Variants in TSHR observed in about 807,000 individuals in gnomAD.
TSHR encodes thyrotropin receptor.
Under a neutral mutation model 64.1 loss-of-function variants are expected in TSHR, and 51 were observed. The observed-to-expected ratio is 0.80, with a 90% CI of 0.64 to 1.01. The LOEUF (loss-of-function observed/expected upper bound fraction) is 1.01, where lower values mean the gene tolerates loss of function less well. Ranked by LOEUF, TSHR falls within the 50% of genes least tolerant of loss-of-function variation. TSHR has a pLI of 0.00. For missense variants in TSHR, 877 were observed against 942.8 expected (o/e 0.93, Z 0.91); for synonymous variants, 361 against 361.9 (o/e 1.00, Z 0.03).
intron 1 of TSHR, among the ~76,000 whole-genome samples, chr14:80,956,153 T>C (rs1487587114): frequency 6.6e-6 from 1 of 152,246 alleles, no homozygotes; most frequent in Non-Finnish European, 1.5e-5. Flanking sequence ...TGCCTAACCC[T>C]GGTTGAATCT....
intron 1 of TSHR, among the ~76,000 whole-genome samples, chr14:80,966,553 ATT>A (rs948875155): frequency 5.9e-5 from 9 of 152,000 alleles, no homozygotes; most frequent in African/African-American, 1.9e-4. Flanking sequence ...GACCTCATTG[ATT>A]TTACATCATA....
chr14:81,071,088 C>A (rs1395470835), intron 3 of TSHR, among the ~76,000 whole-genome samples: 2 of 152,136 alleles, frequency 1.3e-5, no homozygotes, highest in African/African-American at 4.8e-5. Flanking sequence ...ATTGTGCAGA[C>A]TGAAACTGTA....
intron 1 of TSHR, among the ~76,000 whole-genome samples, chr14:81,031,063 A>G (rs1290754002): frequency 6.6e-6 from 1 of 152,174 alleles, no homozygotes; most frequent in Non-Finnish European, 1.5e-5. Flanking sequence ...TAAAACAGTC[A>G]GGAAATCTCG....
In TSHR at chr14:81,143,510, T is replaced by G; in HGVS notation, c.1452T>G (p.His484Gln). 6.2e-7 allele frequency: 1 copy of G among 1,613,850 alleles called. No homozygotes were observed. Among genetic ancestry groups the G allele is most frequent in the Non-Finnish European group, 8.5e-7 (1 of 1,180,032 alleles). ...DLYTHSEYYN[H>Q]AIDWQTGPGC... ...ACACTCACTCTGAGTACTACAACCA[T>G]GCCATCGACTGGCAGACAGGCCCTG... The change falls in exon 10 of 10, where the codon CAT becomes CAG. Residue 484 changes from histidine (H) to glutamine (Q), a missense_variant. Transcript: ENST00000298171.
chr14:81,112,621 G>A (rs1471156802), intron 8 of TSHR, among the ~76,000 whole-genome samples: 1 of 152,160 alleles, frequency 6.6e-6, no homozygotes, highest in Non-Finnish European at 1.5e-5. Context: ...CTTTGAAAAT[G>A]TACAATAAGC....
At chr14:81,032,069 A>T (rs1884377069) in intron 1 of TSHR, among the ~76,000 whole-genome samples, 1 of 152,228 alleles carries the variant, frequency 6.6e-6, no homozygotes, top group South Asian at 2.1e-4. Context: ...GGAAACTCAG[A>T]TACAAGAGAA....
chr14:81,106,158 A>G (rs1470683808), intron 7 of TSHR, among the ~76,000 whole-genome samples: 1 of 152,180 alleles, frequency 6.6e-6, no homozygotes, highest in Non-Finnish European at 1.5e-5. Flanking sequence ...TCCCTTTGTC[A>G]TACTTAACAA....
intron 1 of TSHR, chr14:80,982,129 C>A: frequency 1.8e-6 from 1 of 570,678 alleles, no homozygotes; most frequent in Non-Finnish European, 3.3e-6. Flanking sequence ...AAAGACAAGC[C>A]AGGGTCTCTG....
At chr14:81,029,363 A>G (rs1884230664) in intron 1 of TSHR, among the ~76,000 whole-genome samples, 4 of 152,104 alleles carry the variant, frequency 2.6e-5, no homozygotes, top group African/African-American at 7.2e-5. Flanking sequence ...TTAGCTTCTC[A>G]TATATTTCAT....
intron 1 of TSHR, among the ~76,000 whole-genome samples, chr14:81,057,932 A>G (rs538608762): frequency 5.9e-5 from 9 of 152,348 alleles, no homozygotes; most frequent in African/African-American, 1.9e-4. Flanking sequence ...ATGCAACACA[A>G]GCTATGTGTT....
At chr14:80,979,626 C>T (rs1355120076) in intron 1 of TSHR, among the ~76,000 whole-genome samples, 2 of 151,878 alleles carry the variant, frequency 1.3e-5, no homozygotes, top group Non-Finnish European at 2.9e-5. Flanking sequence ...AACAGCATAC[C>T]GTATTCCAAA....
chr14:81,066,918 G>T (rs1226606768), intron 2 of TSHR, among the ~76,000 whole-genome samples: 1 of 152,098 alleles, frequency 6.6e-6, no homozygotes, highest in Non-Finnish European at 1.5e-5. Flanking sequence ...GAATTTGGCT[G>T]CATTAGTCAT....
chr14:81,133,705 A>T (rs960902526), intron 8 of TSHR, among the ~76,000 whole-genome samples: 1 of 152,190 alleles, frequency 6.6e-6, no homozygotes, highest in African/African-American at 2.4e-5. Flanking sequence ...CCTCTTAAAT[A>T]CGAATGTGTG....
At chr14:81,095,823 CG>C (rs2139996325) in intron 6 of TSHR, among the ~76,000 whole-genome samples, 1 of 152,116 alleles carries the variant, frequency 6.6e-6, no homozygotes, top group African/African-American at 2.4e-5. Context: ...CTGAGGCAGG[CG>C]GATCACTTGA....
chr14:81,122,021 T>C (rs1268226166), intron 8 of TSHR, among the ~76,000 whole-genome samples: 1 of 3,496 alleles, frequency 2.9e-4, no homozygotes, highest in Admixed American at 2.5e-3. Flanking sequence ...TTTCTTTTCC[T>C]TTTTTTTTTT....
Position 81,143,446 on chromosome 14 carries a change from T to C in TSHR, c.1388T>C (p.Met463Thr). ...AACCTGGCCTTTGCGGATTTCTGCA[T>C]GGGGATGTACCTGCTCCTCATCGCC... The part of the protein sequence containing the change: ...MCNLAFADFC[M>T]GMYLLLIASV... The change falls in exon 10 of 10, where the codon ATG (methionine) becomes ACG (threonine). Residue 463 changes from methionine (M) to threonine (T), a missense_variant. Coordinates refer to ENST00000298171, the MANE Select transcript of TSHR (RefSeq NM_000369.5). 6.2e-7 allele frequency: 1 copy of C among 1,614,200 alleles called. No homozygotes were observed. The highest frequency in any genetic ancestry group is 8.5e-7 in the Non-Finnish European group (1 of 1,180,040).
chr14:81,112,261 CAAT>C (rs1890257234), intron 8 of TSHR, among the ~76,000 whole-genome samples: 2 of 152,146 alleles, frequency 1.3e-5, no homozygotes, highest in South Asian at 4.1e-4. Context: ...AATATATCCT[CAAT>C]AATGTTAGAC....
intron 4 of TSHR, among the ~76,000 whole-genome samples, chr14:81,089,323 G>A (rs1888545461): frequency 6.6e-6 from 1 of 152,162 alleles, no homozygotes; most frequent in Admixed American, 6.6e-5. Context: ...TGTGAGAGAT[G>A]CCAGGGGAAT....
chr14:80,962,097 G>T (rs985732798), intron 1 of TSHR, among the ~76,000 whole-genome samples: 2 of 152,004 alleles, frequency 1.3e-5, no homozygotes, highest in Non-Finnish European at 2.9e-5. Flanking sequence ...GTTCCTCTGG[G>T]CCTCAGTTTC....
Sources: allele counts gnomAD v4.1 joint callset (sites outside exome capture counted in the v4.1 genomes callset), GRCh38; gene constraint gnomAD v4.1.1; transcripts MANE v1.5; gene names NCBI Gene and HGNC (gene_info 2026-07-23, HGNC 2026-07-21).